The following AMY2B variants were observed in gnomAD, a reference collection of about 807,000 sequenced individuals.
AMY2B encodes the protein alpha-amylase 2B.
In AMY2B, 63 loss-of-function variants were observed where a neutral mutation model predicts 59.3. That is an observed-to-expected ratio of 1.06 (90% CI 0.87 to 1.31). AMY2B has a LOEUF of 1.31. AMY2B is among the 50% of genes most tolerant of loss of function. The pLI is 0.00. For missense variants in AMY2B, 635 were observed against 626.7 expected (o/e 1.01, Z -0.14); for synonymous variants, 180 against 198.1 (o/e 0.91, Z 0.77).
At position 103,559,445 on chromosome 1, in the gene AMY2B, A is replaced by G. The variant is rs182123841; in HGVS notation, c.-207+4336A>G. ...TCTTCAGAACATACTCCTGTCATTA[A>G]GCAATGCATGACTGTAGTTGGACAA... On this transcript the variant is annotated intron_variant, in intron 1 of 11. Coordinates refer to the AMY2B transcript ENST00000361355. Among the ~76,000 whole-genome samples, 10 of 152,298 alleles carry G rather than the reference A, an allele frequency of 6.6e-5. No homozygotes were observed. The East Asian group carries it at 1.9e-3, about 29-fold the overall frequency.
intron 1 of AMY2B, among the ~76,000 whole-genome samples, chr1:103,563,413 T>G (rs1326326405): frequency 6.6e-6 from 1 of 152,276 alleles, no homozygotes; most frequent in African/African-American, 2.4e-5. Flanking sequence ...AGAAAGTAGA[T>G]ATAACAACTA....
intron 5 of AMY2B, among the ~76,000 whole-genome samples, chr1:103,574,596 G>A (rs561649583): frequency 1.3e-5 from 2 of 152,052 alleles, no homozygotes; most frequent in African/African-American, 4.8e-5. Flanking sequence ...GCCTAGGAAC[G>A]CTAAACATAT....
At chr1:103,574,810 T>C (rs1000549551) in intron 5 of AMY2B, among the ~76,000 whole-genome samples, 3 of 151,488 alleles carry the variant, frequency 2.0e-5, no homozygotes, top group Admixed American at 6.6e-5. Context: ...ATTGAAGCCT[T>C]ATTTTAACCT....
At chr1:103,572,493 T>G (rs962472217) in intron 2 of AMY2B, among the ~76,000 whole-genome samples, 5 of 152,202 alleles carry the variant, frequency 3.3e-5, no homozygotes, top group African/African-American at 1.2e-4. Flanking sequence ...AAGCAAAACA[T>G]CAAATTTTAA....
chr1:103,575,444 G>T lies in AMY2B; in HGVS notation c.1005G>T (p.Leu335=). ...ASILTFWDAR[L]YKMAVGFMLA... is the part of the protein sequence containing the mutation. ...AATATAATTATGTAACTTTCAGGCT[G>T]TATAAAATGGCAGTTGGATTTATGC... Residue 335 remains leucine, a synonymous_variant, in exon 7 of 10, where the codon CTG becomes CTT. Coordinates refer to ENST00000684275, the MANE Select transcript of AMY2B (RefSeq NM_001387437.1). 6.2e-7 allele frequency: 1 copy of T among 1,613,498 alleles called. No homozygotes were observed. The highest frequency in any genetic ancestry group is 8.5e-7 in the Non-Finnish European group (1 of 1,179,674).
At chr1:103,575,029 T>C (rs894429614) in intron 5 of AMY2B, among the ~76,000 whole-genome samples, 194 bp from the exon 6 acceptor site, 1 of 146,372 alleles carries the variant, frequency 6.8e-6, no homozygotes, top group Non-Finnish European at 1.5e-5. Flanking sequence ...TGTGTGTATA[T>C]ATATTTGAGT....
chr1:103,571,805 A>G (rs1266188557), intron 1 of AMY2B, 35 bp downstream of exon 1: 1 of 1,611,834 alleles, frequency 6.2e-7, no homozygotes, highest in Non-Finnish European at 8.5e-7. Flanking sequence ...TGCAGAATTC[A>G]CTATGCTTGT....
At chr1:103,561,214 A>G (rs764196900) in intron 1 of AMY2B, among the ~76,000 whole-genome samples, 145 of 152,204 alleles carry the variant, frequency 9.5e-4, no homozygotes, top group Non-Finnish European at 1.0e-3. Flanking sequence ...ACAGAAAAAA[A>G]TGTACATGGT....
intron 1 of AMY2B, among the ~76,000 whole-genome samples, chr1:103,564,311 G>A (rs1012867835): frequency 2.0e-5 from 3 of 152,056 alleles, no homozygotes; most frequent in Non-Finnish European, 1.5e-5. Flanking sequence ...GGAACCTTGA[G>A]TCAAGCATGA....
intron 2 of AMY2B, among the ~76,000 whole-genome samples, chr1:103,566,309 T>C (rs1651910640): frequency 6.6e-6 from 1 of 152,146 alleles, no homozygotes; most frequent in African/African-American, 2.4e-5. Context: ...TATGGACATA[T>C]CCCTTCTCTA....
At chr1:103,577,940 A>G in intron 9 of AMY2B, 95 bp downstream of exon 9, 2 of 1,571,808 alleles carry the variant, frequency 1.3e-6, no homozygotes, top group South Asian at 1.2e-5. Flanking sequence ...TATCTGAAAA[A>G]TCATGTAGTC....
upstream of AMY2B, chr1:103,569,668 C>T: frequency 2.6e-6 from 1 of 387,344 alleles, no homozygotes; most frequent in Non-Finnish European, 5.2e-6. Context: ...GTGCCCCCGG[C>T]ACCAGGGCAT....
At chr1:103,571,537 G>T (rs1465273024), upstream of AMY2B, 7 of 1,584,998 alleles carry the variant, frequency 4.4e-6, no homozygotes. Flanking sequence ...TATTTACTTT[G>T]TAAAATGTGC....
intron 7 of AMY2B, chr1:103,575,753 A>T: frequency 1.5e-6 from 1 of 679,876 alleles, no homozygotes; most frequent in Non-Finnish European, 2.2e-6. Context: ...CAGACATATG[A>T]TAAACATCCC....
chr1:103,567,646 G>A (rs1651955309), upstream of AMY2B, among the ~76,000 whole-genome samples: 1 of 151,992 alleles, frequency 6.6e-6, no homozygotes. Flanking sequence ...CTATAATCTG[G>A]TTTCTTCCCA....
At chr1:103,579,256 C>T (rs1438973515) in intron 9 of AMY2B, 55 bp from the exon 10 acceptor site, 32 of 1,611,082 alleles carry the variant, frequency 2.0e-5, no homozygotes, top group Non-Finnish European at 2.2e-5. Flanking sequence ...GTTGTGTTAG[C>T]CTGTATTCTT....
chr1:103,573,494 A>G (rs1340530851), intron 3 of AMY2B, among the ~76,000 whole-genome samples: 5 of 152,164 alleles, frequency 3.3e-5, no homozygotes, highest in African/African-American at 1.2e-4. Flanking sequence ...CCAATTAAAA[A>G]GCTCGTCGAC....
intron 7 of AMY2B, chr1:103,575,766 T>G (rs1652329023): frequency 2.4e-5 from 13 of 545,022 alleles, no homozygotes; most frequent in South Asian, 2.3e-4. Context: ...AACATCCCCC[T>G]AGCCCACAGG....
At chr1:103,578,833 T>A (rs1338697021) in intron 9 of AMY2B, among the ~76,000 whole-genome samples, 6 of 142,886 alleles carry the variant, frequency 4.2e-5, no homozygotes, top group Non-Finnish European at 9.0e-5. Flanking sequence ...AATTTTTTTT[T>A]AAATTATACT....
Sources: allele counts gnomAD v4.1 joint callset (sites outside exome capture counted in the v4.1 genomes callset), GRCh38; gene constraint gnomAD v4.1.1; transcripts MANE v1.5; gene names NCBI Gene and HGNC (gene_info 2026-07-23, HGNC 2026-07-21).